The following MBNL2 variants were observed in gnomAD, a reference collection of about 807,000 sequenced individuals.
MBNL2 encodes the protein muscleblind like splicing regulator 2, also known as muscleblind-like protein 2.
Under a neutral mutation model 41.9 loss-of-function variants are expected in MBNL2, and 17 were observed. The observed-to-expected ratio is 0.41, with a 90% confidence interval of 0.28 to 0.61. MBNL2 has a LOEUF of 0.61. Among genes scored for constraint, MBNL2 ranks in the 20% least tolerant of loss-of-function variants. MBNL2 has a pLI of 0.35. For synonymous variants in MBNL2, 195 were observed against 182.9 expected (o/e 1.07, Z -0.53); for missense variants, 336 against 505.6 (o/e 0.66, Z 3.22).
chr13:97,264,336 A>G (rs985584601), intron 1 of MBNL2, among the ~76,000 whole-genome samples: 1 of 152,146 alleles, frequency 6.6e-6, no homozygotes, highest in African/African-American at 2.4e-5. Context: ...AGAGAAGATT[A>G]TTATTTAACT....
At chr13:97,384,479 T>C (rs930727321) in intron 8 of MBNL2, among the ~76,000 whole-genome samples, 2 of 152,170 alleles carry the variant, frequency 1.3e-5, no homozygotes, top group Non-Finnish European at 2.9e-5. Context: ...ATCAGGGCAT[T>C]TCAGACAGTC....
At chr13:97,379,333 C>A in intron 8 of MBNL2, among the ~76,000 whole-genome samples, 1 of 152,146 alleles carries the variant, frequency 6.6e-6, no homozygotes, top group East Asian at 1.9e-4. Flanking sequence ...AACTGGCACA[C>A]AACTTCTGCC....
intron 8 of MBNL2, among the ~76,000 whole-genome samples, chr13:97,381,115 G>GACACACAC (rs58610386): frequency 6.8e-6 from 1 of 146,660 alleles, no homozygotes; most frequent in African/African-American, 2.5e-5. Context: ...CCCTCTCTCT[G>GACACACAC]ACACACACAC....
chr13:97,147,712 G>C, the MBNL2 span, among the ~76,000 whole-genome samples: 2 of 152,144 alleles, frequency 1.3e-5, no homozygotes, highest in African/African-American at 2.4e-5. Context: ...AGGAAGGATG[G>C]CATTGAGCTG....
chr13:97,275,212 T>C (rs2051950496), intron 1 of MBNL2, among the ~76,000 whole-genome samples: 1 of 152,196 alleles, frequency 6.6e-6, no homozygotes, highest in African/African-American at 2.4e-5. Flanking sequence ...CCACACTTCA[T>C]TCAAAATGAC....
chr13:97,154,677 G>A, the MBNL2 span, among the ~76,000 whole-genome samples: 2 of 152,144 alleles, frequency 1.3e-5, no homozygotes, highest in Non-Finnish European at 2.9e-5. Flanking sequence ...GATGATGCGG[G>A]GAAGGCAACA....
intron 1 of MBNL2, among the ~76,000 whole-genome samples, chr13:97,271,342 A>G (rs2050954338): frequency 6.6e-6 from 1 of 152,090 alleles, no homozygotes; most frequent in Admixed American, 6.5e-5. Flanking sequence ...TCCTGGCCTC[A>G]AGTGATCTGC....
In MBNL2 at chr13:97,385,460, A is replaced by G. The variant is rs192927949; in HGVS notation, c.1049-5862A>G. 5.3e-5 allele frequency among the ~76,000 whole-genome samples: 8 copies of G among 152,340 alleles called. No individual in the cohort carries two copies. In the East Asian group the frequency reaches 1.5e-3, roughly 29 times the overall value. ...ATTCACAGGAAGACTGAACCAAAAC[A>G]TCCATTATTTCTCTTTTCTAATTGC... On this transcript the variant is annotated intron_variant, in intron 8 of 8. Transcript: ENST00000679496.
chr13:97,361,285 A>T (rs1329219175), intron 7 of MBNL2, among the ~76,000 whole-genome samples: 1 of 152,190 alleles, frequency 6.6e-6, no homozygotes, highest in Non-Finnish European at 1.5e-5. Flanking sequence ...GTTTGAAGAG[A>T]AGCAAGATTT....
chr13:97,376,131 G>A (rs1169697581), intron 8 of MBNL2, among the ~76,000 whole-genome samples: 1 of 152,172 alleles, frequency 6.6e-6, no homozygotes, highest in Non-Finnish European at 1.5e-5. Context: ...CTGCTTCATC[G>A]ACAAAGTGAT....
chr13:97,299,650 A>ATCTATCTG (rs1473165337), intron 2 of MBNL2, among the ~76,000 whole-genome samples: 1 of 112,382 alleles, frequency 8.9e-6, no homozygotes, highest in Non-Finnish European at 1.7e-5. Context: ...GAATTACTAT[A>ATCTATCTG]TCTATCTATC....
the MBNL2 span, among the ~76,000 whole-genome samples, chr13:97,168,038 T>C: frequency 6.6e-6 from 1 of 152,214 alleles, no homozygotes; most frequent in Non-Finnish European, 1.5e-5. Context: ...CAATCTTCAC[T>C]CACTGCAACC....
chr13:97,234,832 G>T (rs1242589125), intron 1 of MBNL2, among the ~76,000 whole-genome samples: 1 of 152,204 alleles, frequency 6.6e-6, no homozygotes, highest in Non-Finnish European at 1.5e-5. Context: ...GGTTCAACGA[G>T]CATTTTCGCA....
At chr13:97,272,700 T>C (rs1246988426) in intron 1 of MBNL2, among the ~76,000 whole-genome samples, 3 of 152,140 alleles carry the variant, frequency 2.0e-5, no homozygotes, top group Admixed American at 1.3e-4. Flanking sequence ...CACTTAGAGG[T>C]TCTAAGTGTT....
the MBNL2 span, among the ~76,000 whole-genome samples, chr13:97,200,305 C>A: frequency 1.3e-5 from 2 of 152,176 alleles, no homozygotes; most frequent in Non-Finnish European, 2.9e-5. Context: ...TTAGCCTCAT[C>A]ATGCACAATC....
intron 5 of MBNL2, among the ~76,000 whole-genome samples, chr13:97,351,743 G>A (rs184710323): frequency 6.6e-6 from 1 of 152,202 alleles, no homozygotes; most frequent in African/African-American, 2.4e-5. Flanking sequence ...TTAGGTTTTC[G>A]GCCAGCGTGG....
intron 1 of MBNL2, among the ~76,000 whole-genome samples, chr13:97,267,356 G>A (rs2050031489): frequency 6.6e-6 from 1 of 152,232 alleles, no homozygotes; most frequent in African/African-American, 2.4e-5. Flanking sequence ...GAAGTGTCAT[G>A]TAAGTAAAGA....
intron 1 of MBNL2, among the ~76,000 whole-genome samples, chr13:97,256,354 T>A (rs1464909912): frequency 6.6e-6 from 1 of 150,812 alleles, no homozygotes; most frequent in South Asian, 2.1e-4. Context: ...TTTAATCAAT[T>A]TTTTTTTTTA....
intron 2 of MBNL2, among the ~76,000 whole-genome samples, chr13:97,319,874 G>A (rs2059360715): frequency 6.6e-6 from 1 of 152,134 alleles, no homozygotes; most frequent in African/African-American, 2.4e-5. Context: ...GGAAAAATCG[G>A]ATGGCATTTA....
Sources: allele counts gnomAD v4.1 joint callset (sites outside exome capture counted in the v4.1 genomes callset), GRCh38; gene constraint gnomAD v4.1.1; transcripts MANE v1.5; gene names NCBI Gene and HGNC (gene_info 2026-07-23, HGNC 2026-07-21).